Variants in R3HDM2 observed in about 807,000 individuals in gnomAD.
The protein encoded by R3HDM2 is R3H domain containing 2, also known as R3H domain-containing protein 2.
A neutral mutation model predicts 124.5 loss-of-function variants in R3HDM2; 38 were observed. The observed-to-expected ratio is 0.31, with a 90% CI of 0.24 to 0.40. The LOEUF (loss-of-function observed/expected upper bound fraction) is 0.40. Among genes scored for constraint, R3HDM2 ranks in the 10% least tolerant of loss-of-function variants. The probability of loss-of-function intolerance (pLI) is 1.00; values close to 1 mark genes in which losing one functional copy is unlikely to be tolerated. For synonymous variants in R3HDM2, 391 were observed against 448.0 expected, an observed-to-expected ratio of 0.87 and a Z score of 1.61; for missense variants, 869 against 1,236.9, an observed-to-expected ratio of 0.70 and a Z score of 4.46.
rs763160462 is a variant in R3HDM2, at chr12:57,254,862, G to A, written c.2884C>T (p.Arg962Cys). 4 of 1,613,718 alleles carry A rather than the reference G, an allele frequency of 2.5e-6. No homozygotes were observed. The Admixed American group carries it at 5.0e-5, about 20-fold the overall frequency. The change falls in exon 24 of 24, where the codon CGT (arginine) becomes TGT (cysteine). Residue 962 changes from arginine (R) to cysteine (C), a missense_variant. By Grantham distance (180) the Arg-to-Cys change is radical (BLOSUM62 -3). Coordinates refer to ENST00000402412, the MANE Select transcript of R3HDM2 (RefSeq NM_001394031.1). ...SPLAAQNASLRLNNSVSRFKL... is the reference protein window; with the variant it reads ...SPLAAQNASLCLNNSVSRFKL... ...AAGCGACTCACGGAGTTGTTGAGAC[G>A]AAGGGAGGCATTTTGGGCAGCCAGG... is the stretch of plus-strand genomic sequence containing the variant.
intron 2 of R3HDM2, among the ~76,000 whole-genome samples, chr12:57,316,074 G>A (rs941685117): frequency 2.6e-4 from 40 of 152,206 alleles, no homozygotes; most frequent in African/African-American, 7.7e-4. Flanking sequence ...TCCAGCCTGC[G>A]CAACAGAGTG....
intron 20 of R3HDM2, 83 bp from the exon 21 acceptor site, chr12:57,258,220 C>A (rs2039635077): frequency 8.0e-7 from 1 of 1,248,804 alleles, no homozygotes; most frequent in African/African-American, 1.5e-5. Context: ...AAATTCACCT[C>A]TCTCAGGAAA....
At chr12:57,385,650 A>T (rs192818617) in intron 2 of R3HDM2, among the ~76,000 whole-genome samples, 28 of 150,950 alleles carry the variant, frequency 1.9e-4, no homozygotes, top group African/African-American at 6.8e-4. Flanking sequence ...GGCTGCAGTG[A>T]GCCCTGCACT....
chr12:57,290,229 A>G (rs992300254), intron 11 of R3HDM2, among the ~76,000 whole-genome samples: 4 of 152,236 alleles, frequency 2.6e-5, no homozygotes, highest in Non-Finnish European at 2.9e-5. Context: ...GCTAATGGCT[A>G]TCATAGTGGG....
chr12:57,379,564 G>C (rs569773763), intron 2 of R3HDM2, among the ~76,000 whole-genome samples: 2 of 151,702 alleles, frequency 1.3e-5, no homozygotes, highest in African/African-American at 4.8e-5. Context: ...TGGGCAACAA[G>C]AGCGAAAATC....
intron 2 of R3HDM2, among the ~76,000 whole-genome samples, chr12:57,378,803 A>G (rs1465482498): frequency 3.3e-5 from 5 of 152,256 alleles, no homozygotes; most frequent in African/African-American, 1.2e-4. Flanking sequence ...AGCACTATTC[A>G]TAATAGCTAC....
intron 3 of R3HDM2, among the ~76,000 whole-genome samples, chr12:57,308,340 G>A (rs950393479): frequency 6.6e-6 from 1 of 151,790 alleles, no homozygotes; most frequent in Admixed American, 6.6e-5. Context: ...ATAGGCATGA[G>A]CCACTGCGCC....
intron 2 of R3HDM2, among the ~76,000 whole-genome samples, chr12:57,363,311 GCACAATT>G (rs1272677603): frequency 6.6e-6 from 1 of 151,990 alleles, no homozygotes; most frequent in African/African-American, 2.4e-5. Flanking sequence ...CATTTAAAGT[GCACAATT>G]CTATGGCTTT....
chr12:57,401,466 C>A (rs2068045802), intron 1 of R3HDM2, among the ~76,000 whole-genome samples: 1 of 152,190 alleles, frequency 6.6e-6, no homozygotes, highest in African/African-American at 2.4e-5. Context: ...AACGTGCCAA[C>A]TGAACACAAA....
intron 1 of R3HDM2, among the ~76,000 whole-genome samples, chr12:57,429,197 G>A (rs1215156832): frequency 2.6e-5 from 4 of 151,572 alleles, no homozygotes; most frequent in Non-Finnish European, 5.9e-5. Flanking sequence ...AACCAGCCTG[G>A]GCAACATAGC....
chr12:57,302,667 C>CA (rs756266164), intron 4 of R3HDM2, among the ~76,000 whole-genome samples: 3,400 of 39,400 alleles, frequency 0.086, 148 homozygotes, highest in African/African-American at 0.2. Context: ...AATTCCGTCT[C>CA]AAAAAAAAAA....
intron 2 of R3HDM2, among the ~76,000 whole-genome samples, chr12:57,382,120 C>CT (rs892384639): frequency 1.8e-4 from 27 of 150,652 alleles, no homozygotes; most frequent in African/African-American, 5.6e-4. Flanking sequence ...TGCACCCAGA[C>CT]TTTTTTTTTC....
chr12:57,413,847 CTTT>C (rs56189620), intron 1 of R3HDM2, among the ~76,000 whole-genome samples: 108 of 120,512 alleles, frequency 9.0e-4, no homozygotes, highest in Admixed American at 1.0e-3. Context: ...AATCCCCCCC[CTTT>C]TTTTTTTTTT....
chr12:57,430,030 T>G (rs527365093), intron 1 of R3HDM2, among the ~76,000 whole-genome samples: 1 of 152,344 alleles, frequency 6.6e-6, no homozygotes, highest in South Asian at 2.1e-4. Flanking sequence ...GGGATCTGAA[T>G]TCAAACTTTT....
intron 13 of R3HDM2, among the ~76,000 whole-genome samples, chr12:57,283,535 T>C (rs1347726851): frequency 6.6e-6 from 1 of 152,060 alleles, no homozygotes; most frequent in East Asian, 1.9e-4. Context: ...GGTCAGGAGT[T>C]TGAGACCAGC....
chr12:57,273,831 T>C (rs1447819632), intron 14 of R3HDM2, among the ~76,000 whole-genome samples: 1 of 152,154 alleles, frequency 6.6e-6, no homozygotes, highest in East Asian at 1.9e-4. Context: ...CCAGAGTTTC[T>C]TTCACAGAAG....
At position 57,268,359 on chromosome 12, in the gene R3HDM2, T is replaced by G. The variant is rs2137364932; in HGVS notation, c.1974A>C (p.Ala658=). ...VSQSVQGGLP[A]AGVPVYYSMI... is the part of the protein sequence containing the mutation. ...TGCTATAGTACACTGGTACCCCCGC[T>G]GCTGGGAGGCCTCCTTGCACAGACT... The change falls in exon 18 of 24, where the codon GCA becomes GCC. Residue 658 remains alanine (A), a synonymous_variant. Coordinates refer to ENST00000402412, the MANE Select transcript of R3HDM2 (RefSeq NM_001394031.1). The G allele has an allele frequency of 2.5e-6, 4 of 1,614,148 alleles. No homozygotes were observed. The East Asian group carries it at 8.9e-5, about 36-fold the overall frequency.
intron 2 of R3HDM2, among the ~76,000 whole-genome samples, chr12:57,375,425 T>C (rs554059559): frequency 6.6e-6 from 1 of 152,238 alleles, no homozygotes; most frequent in South Asian, 2.1e-4. Context: ...CAGATGAATA[T>C]CAGATGAATA....
At chr12:57,264,620 ATTTTT>A (rs549188071) in intron 19 of R3HDM2, among the ~76,000 whole-genome samples, 1 of 137,430 alleles carries the variant, frequency 7.3e-6, no homozygotes. Context: ...TTCCTTCCAG[ATTTTT>A]TTTTTTTTTT....
Sources: gnomAD v4.1 joint callset for allele counts (sites outside exome capture counted in the v4.1 genomes callset) on GRCh38, gnomAD v4.1.1 for gene constraint, MANE v1.5 for transcripts, NCBI Gene and HGNC (gene_info 2026-07-23, HGNC 2026-07-21) for gene names.